AP1M1: variants seen among roughly 807,000 people sequenced by gnomAD.
AP1M1 encodes adaptor related protein complex 1 subunit mu 1.
In AP1M1, 18 loss-of-function variants were observed where a neutral mutation model predicts 57.1. The observed-to-expected ratio is 0.32, with a 90% CI of 0.22 to 0.47. The LOEUF (loss-of-function observed/expected upper bound fraction) is 0.47. Among genes scored for constraint, AP1M1 ranks in the 20% least tolerant of loss-of-function variants. The probability of loss-of-function intolerance (pLI) is 1.00; values close to 1 mark genes in which losing one functional copy is unlikely to be tolerated. For missense variants in AP1M1, 362 were observed against 593.5 expected (o/e 0.61, Z 4.05); for synonymous variants, 241 against 237.9 (o/e 1.01, Z -0.12).
chr19:16,233,078 C>G (rs1411757658), intron 9 of AP1M1, among the ~76,000 whole-genome samples: 2 of 152,206 alleles, frequency 1.3e-5, no homozygotes, highest in Non-Finnish European at 2.9e-5. Context: ...GGCGTGTGGC[C>G]CCTGTCCCCA....
intron 5 of AP1M1, among the ~76,000 whole-genome samples, chr19:16,210,993 G>A (rs1168266341): frequency 1.3e-5 from 2 of 152,030 alleles, no homozygotes; most frequent in Non-Finnish European, 2.9e-5. Flanking sequence ...TCATATAGTT[G>A]AGCCTTGATA....
Position 16,208,003 on chromosome 19 carries a change from T to A in AP1M1, c.268-16T>A, listed in dbSNP as rs776099701. On this transcript the variant is annotated splice_polypyrimidine_tract_variant and intron_variant, in intron 3 of 11. Transcript: ENST00000291439. ...GATCTGCCTCCCATTCCTCCCTCCC[T>A]CCCCAACCGCCACAGGTGTTTTCCG... 2 of 1,604,510 alleles carry A rather than the reference T, an allele frequency of 1.2e-6. No homozygotes were observed. The highest frequency in any genetic ancestry group is 2.2e-5 in the South Asian group (2 of 90,210).
Position 16,197,977 on chromosome 19 carries a change from G to GCTGCCGCCGCCACCGCCCTCGGCCA in AP1M1, c.-26_-25insACTGCCGCCGCCACCGCCCTCGGCC. 5 of 1,520,776 alleles carry GCTGCCGCCGCCACCGCCCTCGGCCA rather than the reference G, an allele frequency of 3.3e-6. No individual in the cohort carries two copies. The highest frequency in any genetic ancestry group is 2.6e-6 in the Non-Finnish European group (3 of 1,132,334). The allele number at this position is 1,520,776 out of a possible 1,614,324, so 94.2% of individuals were successfully genotyped here. On this transcript the variant is annotated 5_prime_UTR_variant, in exon 1 of 12. Transcript: ENST00000291439. ...TCAACGCCCAGCAGTCCCCACCGTC[G>GCTGCCGCCGCCACCGCCCTCGGCCA]CTGCCGCCGCCACCGCCCTCGGCCG...
intron 5 of AP1M1, among the ~76,000 whole-genome samples, chr19:16,211,510 A>G (rs2091493533): frequency 1.3e-5 from 2 of 152,208 alleles, no homozygotes; most frequent in Non-Finnish European, 2.9e-5. Flanking sequence ...TGGATTTGTC[A>G]TAGATGGCTC....
intron 9 of AP1M1, among the ~76,000 whole-genome samples, chr19:16,230,154 C>T (rs1052183425): frequency 3.9e-5 from 6 of 152,004 alleles, no homozygotes; most frequent in African/African-American, 9.7e-5. Flanking sequence ...GATTTTACTT[C>T]GAAGCCATGC....
At chr19:16,232,506 G>C (rs1002572949) in intron 9 of AP1M1, among the ~76,000 whole-genome samples, 1 of 152,238 alleles carries the variant, frequency 6.6e-6, no homozygotes, top group Admixed American at 6.5e-5. Context: ...GTCACCGAGC[G>C]GGTTTGTTCC....
chr19:16,231,646 G>A (rs149828121), intron 9 of AP1M1, among the ~76,000 whole-genome samples: 2 of 152,132 alleles, frequency 1.3e-5, no homozygotes, highest in African/African-American at 4.8e-5. Flanking sequence ...GCTCAGGCTG[G>A]TCTCAGGTGA....
chr19:16,217,958 C>G (rs1363366293), intron 5 of AP1M1, among the ~76,000 whole-genome samples: 1 of 152,166 alleles, frequency 6.6e-6, no homozygotes, highest in African/African-American at 2.4e-5. Flanking sequence ...TAAGACCCAC[C>G]CCACAGTGTG....
At chr19:16,233,366 G>A in intron 9 of AP1M1, 127 bp from the exon 10 acceptor site, 1 of 1,347,762 alleles carries the variant, frequency 7.4e-7, no homozygotes, top group Non-Finnish European at 9.8e-7. Context: ...CCCCAGCACA[G>A]GGGCTCATGC....
chr19:16,243,193 T>G lies in AP1M1; in HGVS notation c.*8758T>G, dbSNP rs985953356. ...TGAGGAATTTTCAAGAGAAATTAGT[T>G]AGAATTCAACAAGAAATAAATTACT... is the stretch of plus-strand genomic sequence containing the variant. On this transcript the variant is annotated 3_prime_UTR_variant, in exon 12 of 12. Coordinates refer to ENST00000291439, the MANE Select transcript of AP1M1 (RefSeq NM_032493.4). 5.9e-5 allele frequency: 9 copies of G among 152,196 alleles called. No individual in the cohort carries two copies. Among genetic ancestry groups the G allele is most frequent in the Non-Finnish European group, 1.2e-4 (8 of 68,024 alleles). 9.4% of individuals were successfully genotyped at this position (152,196 alleles called of 1,614,324 possible).
At chr19:16,210,253 C>A in intron 5 of AP1M1, 1 of 651,508 alleles carries the variant, frequency 1.5e-6, no homozygotes, top group Non-Finnish European at 2.9e-6. Flanking sequence ...TTCTGAACCA[C>A]AGAAGGACAT....
chr19:16,198,715 C>A (rs2091435107), intron 1 of AP1M1, among the ~76,000 whole-genome samples: 1 of 152,096 alleles, frequency 6.6e-6, no homozygotes, highest in Non-Finnish European at 1.5e-5. Context: ...CAGAATCATT[C>A]GTTTATTCAG....
chr19:16,234,002 A>G, intron 10 of AP1M1, 197 bp from the exon 11 acceptor site: 1 of 603,804 alleles, frequency 1.7e-6, no homozygotes, highest in Non-Finnish European at 2.8e-6. Context: ...CTGGCTGCTC[A>G]CCACTTCCAG....
chr19:16,202,974 T>C (rs1295919680), intron 1 of AP1M1: 1 of 173,518 alleles, frequency 5.8e-6, no homozygotes, highest in Non-Finnish European at 1.3e-5. Context: ...GGATGCTGTA[T>C]ATCCTGACCC....
At chr19:16,202,249 A>T (rs12982033) in intron 1 of AP1M1, among the ~76,000 whole-genome samples, 1 of 152,014 alleles carries the variant, frequency 6.6e-6, no homozygotes, top group Non-Finnish European at 1.5e-5. Flanking sequence ...TCAGCGCCGC[A>T]ATGGCCTTCT....
chr19:16,216,424 G>A (rs549738724), intron 5 of AP1M1, among the ~76,000 whole-genome samples: 44 of 150,766 alleles, frequency 2.9e-4, no homozygotes, highest in African/African-American at 6.8e-4. Context: ...CAGCCTGGGC[G>A]ACAGAGCGAA....
intron 5 of AP1M1, among the ~76,000 whole-genome samples, chr19:16,211,101 G>GGT (rs1555724142): frequency 0.12 from 4,558 of 39,158 alleles, 119 homozygotes; most frequent in Non-Finnish European, 0.22. Context: ...TCTTAGCAGT[G>GGT]TTTTTTTTTT....
intron 5 of AP1M1, among the ~76,000 whole-genome samples, chr19:16,211,388 C>T (rs1193773842): frequency 1.3e-5 from 2 of 152,164 alleles, no homozygotes; most frequent in East Asian, 3.8e-4. Flanking sequence ...GCCACCATGC[C>T]CAGCCCCCAA....
rs1235774085 is a variant in AP1M1, at chr19:16,206,108, A to G, written c.200-233A>G. On this transcript the variant is annotated intron_variant, in intron 2 of 11. Coordinates refer to ENST00000291439, the MANE Select transcript of AP1M1 (RefSeq NM_032493.4). The surrounding 1 kb of genome is among the most constrained non-coding windows in gnomAD (Gnocchi z 4.3). The stretch of plus-strand genomic sequence containing the variant: ...CCACCTGCCATCCCTGTGATTCTCC[A>G]TCTCAGTGAGTGCTCCCTGGGGCCT... Among the ~76,000 whole-genome samples the G allele has an allele frequency of 6.6e-6, 1 of 151,992 alleles. No individual in the cohort carries two copies. Among genetic ancestry groups the G allele is most frequent in the African/African-American group, 2.4e-5 (1 of 41,368 alleles).
Sources: allele counts gnomAD v4.1 joint callset (sites outside exome capture counted in the v4.1 genomes callset), GRCh38; gene constraint gnomAD v4.1.1; non-coding constraint Gnocchi (gnomAD v3.1); transcripts MANE v1.5; gene names NCBI Gene and HGNC (gene_info 2026-07-23, HGNC 2026-07-21).